ZMIZ1: variants seen among roughly 807,000 people sequenced by gnomAD.
ZMIZ1 encodes the protein zinc finger MIZ domain-containing protein 1.
In ZMIZ1, 17 loss-of-function variants were observed where a neutral mutation model predicts 113.9. The observed-to-expected ratio is 0.15, with a 90% CI of 0.10 to 0.22. The LOEUF (loss-of-function observed/expected upper bound fraction) is 0.22, where lower values mean the gene tolerates loss of function less well. Ranked by LOEUF, ZMIZ1 falls within the 10% of genes least tolerant of loss-of-function variation. The probability of loss-of-function intolerance (pLI) is 1.00; values close to 1 mark genes in which losing one functional copy is unlikely to be tolerated. For synonymous variants in ZMIZ1, 607 were observed against 603.1 expected, an observed-to-expected ratio of 1.01 and a Z score of -0.09; for missense variants, 1,059 against 1,477.8, an observed-to-expected ratio of 0.72 and a Z score of 4.65.
intron 1 of ZMIZ1, among the ~76,000 whole-genome samples, chr10:79,078,560 C>A (rs1016967319): frequency 6.8e-6 from 1 of 147,794 alleles, no homozygotes; most frequent in Middle Eastern, 3.2e-3. Flanking sequence ...CAGACACCAC[C>A]CACCCCCGAC....
intron 1 of ZMIZ1, among the ~76,000 whole-genome samples, chr10:79,087,917 G>A (rs531744776): frequency 1.3e-5 from 2 of 152,308 alleles, no homozygotes; most frequent in South Asian, 4.1e-4. Flanking sequence ...TTGCTTGGCA[G>A]GATCGCAGCT....
chr10:79,095,819 C>T (rs1240413124), intron 1 of ZMIZ1, among the ~76,000 whole-genome samples: 3 of 152,180 alleles, frequency 2.0e-5, no homozygotes, highest in African/African-American at 4.8e-5. Context: ...CATCTTGGGG[C>T]TGCTGGGGTC....
At chr10:79,165,961 T>TGCGCGCGCGC (rs1564692690) in intron 4 of ZMIZ1, among the ~76,000 whole-genome samples, 14 of 20,140 alleles carry the variant, frequency 7.0e-4, no homozygotes, top group African/African-American at 1.3e-3. Context: ...TGTGTGTGTG[T>TGCGCGCGCGC]GTGTGTGTGT....
At chr10:79,199,438 A>G (rs922616214) in intron 4 of ZMIZ1, among the ~76,000 whole-genome samples, 3 of 151,944 alleles carry the variant, frequency 2.0e-5, no homozygotes, top group African/African-American at 7.3e-5. Flanking sequence ...CCTGGGAGGC[A>G]GAGGTTACAG....
chr10:79,265,401 G>A (rs1262996046), intron 7 of ZMIZ1, among the ~76,000 whole-genome samples: 2 of 152,008 alleles, frequency 1.3e-5, no homozygotes, highest in Admixed American at 1.3e-4. Context: ...CCGGGGGTGG[G>A]GGCAGCAGAG....
chr10:79,193,718 C>T (rs750548731), intron 4 of ZMIZ1, among the ~76,000 whole-genome samples: 8 of 152,000 alleles, frequency 5.3e-5, no homozygotes, highest in Non-Finnish European at 8.8e-5. Flanking sequence ...AGAAAGAGCA[C>T]GAAAGAGTGA....
chr10:79,300,669 G>A (rs1854234739), intron 16 of ZMIZ1, 63 bp from the exon 17 acceptor site: 14 of 1,528,310 alleles, frequency 9.2e-6, no homozygotes, highest in African/African-American at 1.4e-5. Flanking sequence ...CTGGCTCGGG[G>A]TCACGGAGGC....
chr10:79,091,432 C>T (rs1231688442), intron 1 of ZMIZ1, among the ~76,000 whole-genome samples: 1 of 152,194 alleles, frequency 6.6e-6, no homozygotes, highest in Non-Finnish European at 1.5e-5. Flanking sequence ...AGTCCTCAGA[C>T]CCTGACCTCA....
At chr10:79,071,428 G>C (rs1219114102) in intron 1 of ZMIZ1, among the ~76,000 whole-genome samples, 1 of 152,220 alleles carries the variant, frequency 6.6e-6, no homozygotes, top group African/African-American at 2.4e-5. Flanking sequence ...GGCAGGCGCC[G>C]GGGCTGGAGA....
At chr10:79,297,452 C>T (rs562023937) in intron 13 of ZMIZ1, among the ~76,000 whole-genome samples, 161 bp from the exon 14 acceptor site, 9 of 152,190 alleles carry the variant, frequency 5.9e-5, no homozygotes, top group Admixed American at 3.3e-4. Context: ...AATGCCGTCC[C>T]TGAGGTGTAG....
intron 12 of ZMIZ1, 134 bp downstream of exon 12, chr10:79,293,787 G>T (rs758342864): frequency 7.3e-7 from 1 of 1,370,474 alleles, no homozygotes; most frequent in South Asian, 1.2e-5. Context: ...GGGGCTTAGG[G>T]GTCAGGTGCT....
In ZMIZ1 at chr10:79,292,340, T is replaced by C. The variant is rs1853552083; in HGVS notation, c.941T>C (p.Ile314Thr). ...CTGCAGGAGACACAGAACAAGGATA[T>C]AAACCAGTATGGACCGGTAAGGGTT... is the stretch of plus-strand genomic sequence containing the variant. ...AALQETQNKD[I>T]NQYGPMGPTQ... Residue 314 changes from isoleucine to threonine, a missense_variant, in exon 11 of 25, where the codon ATA becomes ACA. Ile to Thr is a moderately conservative substitution (Grantham distance 89). This residue lies in a region of ZMIZ1 where 83 missense variants were observed against 103.7 expected (regional missense o/e 0.80). Coordinates refer to ENST00000334512, the MANE Select transcript of ZMIZ1 (RefSeq NM_020338.4). 2 of 1,610,778 alleles carry C rather than the reference T, an allele frequency of 1.2e-6. No homozygotes were observed. The highest frequency in any genetic ancestry group is 1.6e-4 in the Middle Eastern group (1 of 6,076).
intron 4 of ZMIZ1, among the ~76,000 whole-genome samples, chr10:79,175,585 T>G: frequency 2.4e-5 from 1 of 41,044 alleles, no homozygotes. Context: ...GCACTCTGCG[T>G]GTGTGTGTGT....
At chr10:79,159,492 C>G (rs763583013) in intron 3 of ZMIZ1, among the ~76,000 whole-genome samples, 1 of 152,184 alleles carries the variant, frequency 6.6e-6, no homozygotes, top group African/African-American at 2.4e-5. Flanking sequence ...TGCCGCATAG[C>G]GGGCAGACTG....
At position 79,236,960 on chromosome 10, in the gene ZMIZ1, A is replaced by G. The variant is rs146594335; in HGVS notation, c.280+20686A>G. Among the ~76,000 whole-genome samples, 1,016 of 152,380 alleles carry G rather than the reference A, an allele frequency of 6.7e-3. 7 individuals are homozygous for G. Among genetic ancestry groups the G allele is most frequent in the African/African-American group, 0.023 (957 of 41,582 alleles). On this transcript the variant is annotated intron_variant, in intron 7 of 24. Transcript: ENST00000334512. The stretch of plus-strand genomic sequence containing the variant: ...GGTAAATAATTGAAATACACCAGCC[A>G]ACAATGCTAAGGACAAAGCCACGTC...
In ZMIZ1 at chr10:79,296,693, C is replaced by T. The variant is rs775280543; in HGVS notation, c.1413+40C>T. 1 of 1,509,764 alleles carries T rather than the reference C, an allele frequency of 6.6e-7. No homozygotes were observed. Among genetic ancestry groups the T allele is most frequent in the African/African-American group, 1.4e-5 (1 of 71,532 alleles). 93.5% of individuals were successfully genotyped at this position (1,509,764 alleles called of 1,614,324 possible). ...CGCCACCACCCACGGGGCCCCTTCC[C>T]TCCTAACCACCTCACTCCCCTAACT... On this transcript the variant is annotated intron_variant, in intron 13 of 24. Transcript: ENST00000334512. The surrounding 1 kb of genome is among the most constrained non-coding windows in gnomAD (Gnocchi z 4.1).
intron 1 of ZMIZ1, among the ~76,000 whole-genome samples, chr10:79,105,714 T>C (rs1843530687): frequency 6.6e-6 from 1 of 152,266 alleles, no homozygotes; most frequent in Non-Finnish European, 1.5e-5. Flanking sequence ...TTAACTTCTA[T>C]CCTTGGTGAG....
intron 17 of ZMIZ1, 112 bp downstream of exon 17, chr10:79,301,054 A>T: frequency 6.9e-7 from 1 of 1,442,076 alleles, no homozygotes; most frequent in Non-Finnish European, 9.3e-7. Context: ...CTGCGTCACC[A>T]CCCCCGTGCC....
intron 1 of ZMIZ1, among the ~76,000 whole-genome samples, chr10:79,083,333 A>C (rs1207588840): frequency 6.6e-6 from 1 of 152,196 alleles, no homozygotes; most frequent in Non-Finnish European, 1.5e-5. Context: ...CAGTGGGAAC[A>C]GCATGTGCAA....
Sources: gnomAD v4.1 joint callset for allele counts (sites outside exome capture counted in the v4.1 genomes callset) on GRCh38, gnomAD v4.1.1 for gene constraint, gnomAD v4.1.1 regional missense constraint, Gnocchi (gnomAD v3.1) non-coding constraint, MANE v1.5 for transcripts, NCBI Gene and HGNC (gene_info 2026-07-23, HGNC 2026-07-21) for gene names.